ITPRID1: variants seen among roughly 807,000 people sequenced by gnomAD.
The protein encoded by ITPRID1 is protein ITPRID1.
ITPRID1 carries 96 observed loss-of-function variants against 95.4 expected under a neutral mutation model. The ratio of observed to expected loss-of-function variants is 1.01; its 90% CI spans 0.85 to 1.19. ITPRID1 has a LOEUF of 1.19. Among genes scored for constraint, ITPRID1 ranks in the 50% most tolerant of loss-of-function variants. The pLI is 0.00. For synonymous variants in ITPRID1, 510 were observed against 453.6 expected (o/e 1.12, Z -1.58); for missense variants, 1,339 against 1,252.9 (o/e 1.07, Z -1.04).
At chr7:31,602,764 G>A (rs1317548790) in intron 10 of ITPRID1, among the ~76,000 whole-genome samples, 1 of 152,074 alleles carries the variant, frequency 6.6e-6, no homozygotes. Context: ...CTGCTTTGGG[G>A]ATTTGGTGTC....
chr7:31,638,070 A>T (rs1250298674), intron 10 of ITPRID1, among the ~76,000 whole-genome samples: 2 of 152,164 alleles, frequency 1.3e-5, no homozygotes, highest in Non-Finnish European at 2.9e-5. Flanking sequence ...GGCTCCCACC[A>T]AAGTGTGCAG....
At chr7:31,606,458 CGAGAGA>C (rs3078452) in intron 10 of ITPRID1, among the ~76,000 whole-genome samples, 4 of 151,068 alleles carry the variant, frequency 2.6e-5, no homozygotes, top group South Asian at 2.1e-4. Flanking sequence ...GAAAAGAAAA[CGAGAGA>C]GAGAGAGAGG....
At chr7:31,590,055 T>A (rs1785796648) in intron 10 of ITPRID1, among the ~76,000 whole-genome samples, 1 of 152,044 alleles carries the variant, frequency 6.6e-6, no homozygotes. Context: ...TATGTGTGTA[T>A]ATATATACAC....
At position 31,652,766 on chromosome 7, in the gene ITPRID1, G is replaced by A. The variant is rs760727077; in HGVS notation, c.3072G>A (p.Lys1024=). 2.2e-5 allele frequency: 35 copies of A among 1,613,820 alleles called. No homozygotes were observed. In the South Asian group the frequency reaches 3.7e-4, roughly 17 times the overall value. ...RMSPSSSAWA[K]LGPTPLSNCP... is the part of the protein sequence containing the mutation. ...CTCCTTCATCATCAGCTTGGGCAAA[G>A]TTAGGTCCAACCCCTTTGTCAAATT... The change falls in exon 15 of 15, where the codon AAG becomes AAA. Residue 1024 remains lysine, a synonymous_variant. Coordinates refer to ENST00000615280, the MANE Select transcript of ITPRID1 (RefSeq NM_001257967.3).
intron 6 of ITPRID1, among the ~76,000 whole-genome samples, chr7:31,570,698 G>C (rs1224683842): frequency 6.6e-6 from 1 of 152,182 alleles, no homozygotes; most frequent in Admixed American, 6.5e-5. Context: ...ATGAGAGCCA[G>C]GTTCTGTGAC....
intron 1 of ITPRID1, among the ~76,000 whole-genome samples, chr7:31,523,492 T>C (rs1583457235): frequency 6.6e-6 from 1 of 152,216 alleles, no homozygotes; most frequent in African/African-American, 2.4e-5. Flanking sequence ...GGGATTGATA[T>C]AGATTGAATA....
chr7:31,599,229 C>G (rs1281106598), intron 10 of ITPRID1, among the ~76,000 whole-genome samples: 1 of 152,070 alleles, frequency 6.6e-6, no homozygotes, highest in African/African-American at 2.4e-5. Flanking sequence ...TAATATACAG[C>G]AATGCTAGTA....
chr7:31,629,207 T>A (rs1788771697), intron 10 of ITPRID1, among the ~76,000 whole-genome samples: 1 of 152,226 alleles, frequency 6.6e-6, no homozygotes, highest in African/African-American at 2.4e-5. Flanking sequence ...CAAAATCGGA[T>A]CTGCCCTCCT....
Position 31,652,879 on chromosome 7 carries a change from G to C in ITPRID1, c.*50G>C. 1 of 1,565,044 alleles carries C rather than the reference G, an allele frequency of 6.4e-7. No individual in the cohort carries two copies. Among genetic ancestry groups the C allele is most frequent in the Non-Finnish European group, 8.7e-7 (1 of 1,152,868 alleles). Reference sequence around the variant, plus strand: ...ATACAAAATATAAAGGCCCAGAACAGATGTAGCAAGGAAATTTCAATTTTC... The same window carrying C: ...ATACAAAATATAAAGGCCCAGAACACATGTAGCAAGGAAATTTCAATTTTC... On this transcript the variant is annotated 3_prime_UTR_variant, in exon 15 of 15. Coordinates refer to ENST00000615280, the MANE Select transcript of ITPRID1 (RefSeq NM_001257967.3).
chr7:31,539,157 T>C (rs1041448531), intron 1 of ITPRID1, among the ~76,000 whole-genome samples: 1 of 152,170 alleles, frequency 6.6e-6, no homozygotes, highest in Non-Finnish European at 1.5e-5. Flanking sequence ...AATGTGCAAT[T>C]GTATGTGTGA....
intron 2 of ITPRID1, among the ~76,000 whole-genome samples, chr7:31,550,869 C>G (rs1784264805): frequency 7.0e-6 from 1 of 142,858 alleles, no homozygotes; most frequent in African/African-American, 2.5e-5. Context: ...TAAAGCAGCA[C>G]TTTTACCTAA....
intron 1 of ITPRID1, among the ~76,000 whole-genome samples, chr7:31,545,074 C>CAGT (rs1181387678): frequency 1.3e-5 from 2 of 152,064 alleles, no homozygotes; most frequent in African/African-American, 4.8e-5. Flanking sequence ...GAAGAGGCTA[C>CAGT]AGTAAGGGGC....
At chr7:31,647,673 C>CAAAAAA (rs11345351) in intron 12 of ITPRID1, among the ~76,000 whole-genome samples, 8 of 69,344 alleles carry the variant, frequency 1.2e-4, no homozygotes, top group Non-Finnish European at 1.7e-4. Context: ...GTCTCCGTCT[C>CAAAAAA]AAAAAAAAAA....
chr7:31,587,824 G>T (rs1461803542), intron 10 of ITPRID1, among the ~76,000 whole-genome samples: 2 of 150,710 alleles, frequency 1.3e-5, no homozygotes, highest in East Asian at 3.9e-4. Flanking sequence ...AGAGCCCTCA[G>T]AAATAACGCC....
chr7:31,569,059 C>G (rs558181699), intron 5 of ITPRID1, among the ~76,000 whole-genome samples: 1 of 152,216 alleles, frequency 6.6e-6, no homozygotes, highest in African/African-American at 2.4e-5. Context: ...TAAGTTAGTG[C>G]TAAATAGTCA....
intron 10 of ITPRID1, among the ~76,000 whole-genome samples, chr7:31,623,230 G>C (rs1788093618): frequency 6.6e-6 from 1 of 152,070 alleles, no homozygotes. Flanking sequence ...TAGAAAAAGA[G>C]GGAATCCTCC....
chr7:31,529,687 T>G (rs1783532311), intron 1 of ITPRID1: 1 of 1,255,126 alleles, frequency 8.0e-7, no homozygotes, highest in Admixed American at 2.1e-5. Context: ...AGTTCTGCAG[T>G]CACAAGGGCT....
chr7:31,657,527 A>G (rs1443878891), downstream of ITPRID1, among the ~76,000 whole-genome samples: 3 of 152,220 alleles, frequency 2.0e-5, no homozygotes, highest in Admixed American at 2.0e-4. Context: ...GTTCCACCAC[A>G]TAGGAATGCT....
chr7:31,601,705 G>A (rs1429537593), intron 10 of ITPRID1, among the ~76,000 whole-genome samples: 1 of 152,174 alleles, frequency 6.6e-6, no homozygotes, highest in Admixed American at 6.5e-5. Context: ...GAGGTAAAAA[G>A]GGACTCTACC....
Sources: allele counts gnomAD v4.1 joint callset (sites outside exome capture counted in the v4.1 genomes callset), GRCh38; gene constraint gnomAD v4.1.1; transcripts MANE v1.5; gene names NCBI Gene and HGNC (gene_info 2026-07-23, HGNC 2026-07-21).